MEF2C: variants seen among roughly 807,000 people sequenced by gnomAD.
MEF2C encodes the protein myocyte-specific enhancer factor 2C.
In MEF2C, 6 loss-of-function variants were observed where a neutral mutation model predicts 50.5. The ratio of observed to expected loss-of-function variants is 0.12; its 90% CI spans 0.07 to 0.23. MEF2C has a LOEUF of 0.23. Ranked by LOEUF, MEF2C falls within the 10% of genes least tolerant of loss-of-function variation. The probability of loss-of-function intolerance (pLI) is 1.00; values close to 1 mark genes in which losing one functional copy is unlikely to be tolerated. For synonymous variants in MEF2C, 183 were observed against 228.0 expected, an observed-to-expected ratio of 0.80 and a Z score of 1.78; for missense variants, 276 against 605.0, an observed-to-expected ratio of 0.46 and a Z score of 5.70.
chr5:88,799,748 G>C (rs1337601650), intron 3 of MEF2C, among the ~76,000 whole-genome samples: 1 of 151,966 alleles, frequency 6.6e-6, no homozygotes, highest in African/African-American at 2.4e-5. Flanking sequence ...ACAGAAGTCA[G>C]GATTCAGGTG....
At chr5:88,760,557 T>C (rs1777385344) in intron 4 of MEF2C, among the ~76,000 whole-genome samples, 1 of 152,216 alleles carries the variant, frequency 6.6e-6, no homozygotes. Context: ...TAGGTGATGA[T>C]TGTCAGTTTA....
At chr5:88,729,401 T>C in intron 8 of MEF2C, 54 bp from the exon 9 acceptor site, 8 of 1,454,720 alleles carry the variant, frequency 5.5e-6, no homozygotes, top group Non-Finnish European at 7.5e-6. Flanking sequence ...AAGTTAAAAA[T>C]ATTAGATTTC....
At chr5:88,835,883 A>C (rs904550115) in intron 1 of MEF2C, among the ~76,000 whole-genome samples, 5 of 151,826 alleles carry the variant, frequency 3.3e-5, no homozygotes, top group Non-Finnish European at 7.4e-5. Context: ...ACAGGCTCCC[A>C]CTTTAATTTT....
At chr5:88,837,152 T>C (rs1404013281) in intron 1 of MEF2C, among the ~76,000 whole-genome samples, 1 of 152,154 alleles carries the variant, frequency 6.6e-6, no homozygotes, top group African/African-American at 2.4e-5. Flanking sequence ...CCCTTGGAAA[T>C]GCTAGCTTTA....
At chr5:88,876,888 G>A (rs1831231375) in intron 1 of MEF2C, among the ~76,000 whole-genome samples, 1 of 151,962 alleles carries the variant, frequency 6.6e-6, no homozygotes, top group Non-Finnish European at 1.5e-5. Flanking sequence ...CAACAAGATA[G>A]AAGAGGAAAA....
intron 1 of MEF2C, among the ~76,000 whole-genome samples, chr5:88,897,481 C>T (rs760685934): frequency 6.6e-6 from 1 of 152,210 alleles, no homozygotes; most frequent in East Asian, 1.9e-4. Flanking sequence ...GCTCTACACT[C>T]TCATACGTTC....
chr5:88,766,854 T>A (rs922617467), intron 3 of MEF2C: 1 of 982,284 alleles, frequency 1.0e-6, no homozygotes, highest in Admixed American at 6.1e-5. Flanking sequence ...AGCATCAACT[T>A]AGAAAAGGTA....
At chr5:88,745,112 T>C (rs917262604) in intron 6 of MEF2C, among the ~76,000 whole-genome samples, 1 of 152,242 alleles carries the variant, frequency 6.6e-6, no homozygotes, top group Non-Finnish European at 1.5e-5. Flanking sequence ...CTATTAAAAC[T>C]TCATGGCTAG....
chr5:88,852,620 C>T (rs528689737), intron 1 of MEF2C, among the ~76,000 whole-genome samples: 72 of 152,274 alleles, frequency 4.7e-4, no homozygotes, highest in Admixed American at 7.8e-4. Flanking sequence ...CCTGTAATCC[C>T]AACACTTTGG....
intron 3 of MEF2C, among the ~76,000 whole-genome samples, chr5:88,774,987 G>T (rs1784113560): frequency 6.6e-6 from 1 of 152,202 alleles, no homozygotes; most frequent in Non-Finnish European, 1.5e-5. Flanking sequence ...TTGAGGGCAG[G>T]TCTGTGCCTT....
chr5:88,741,751 G>C (rs533525484), intron 6 of MEF2C: 1 of 984,730 alleles, frequency 1.0e-6, no homozygotes, highest in Admixed American at 6.2e-5. Context: ...GGTGGTGGGT[G>C]GACTCTAAGG....
chr5:88,807,574 T>C (rs770387909), intron 2 of MEF2C, among the ~76,000 whole-genome samples: 4 of 152,206 alleles, frequency 2.6e-5, no homozygotes, highest in Non-Finnish European at 4.4e-5. Context: ...TTTTCACATT[T>C]GTAAAACAGA....
At position 88,882,991 on chromosome 5, in the gene MEF2C, T is replaced by C. The variant is rs1833426259; in HGVS notation, c.-179A>G. 6.6e-6 allele frequency: 1 copy of C among 152,090 alleles called. No individual in the cohort carries two copies. The highest frequency in any genetic ancestry group is 1.5e-5 in the Non-Finnish European group (1 of 67,956). The allele number at this position is 152,090 out of a possible 1,614,324, so 9.4% of individuals were successfully genotyped here. A position where few individuals can be genotyped will look rare whatever the true frequency, so the allele number is the denominator to read the frequency against. On this transcript the variant is annotated 5_prime_UTR_variant, in exon 1 of 11. Transcript: ENST00000504921. ...CCCGATCAGATTAGTCCTTGGGATA[T>C]TTTCCTTTCTTAAGAGAGAGAGAGA...
At chr5:88,804,208 C>T (rs755490504) in intron 3 of MEF2C, among the ~76,000 whole-genome samples, 6 of 151,990 alleles carry the variant, frequency 3.9e-5, no homozygotes, top group South Asian at 2.1e-4. Context: ...TTGATGATGC[C>T]GGGAAACTAT....
At chr5:88,753,992 C>G (rs1443237841) in intron 4 of MEF2C, among the ~76,000 whole-genome samples, 1 of 152,180 alleles carries the variant, frequency 6.6e-6, no homozygotes, top group East Asian at 1.9e-4. Context: ...CCCAAGAAAA[C>G]AAAGTAAAGT....
At chr5:88,730,161 TAA>T in intron 8 of MEF2C, 48 bp downstream of exon 8, 2 of 1,555,966 alleles carry the variant, frequency 1.3e-6, no homozygotes, top group Non-Finnish European at 1.7e-6. Context: ...CACCTCTACC[TAA>T]AAGTAGCTTT....
chr5:88,778,988 T>C (rs965730771), intron 3 of MEF2C, among the ~76,000 whole-genome samples: 2 of 152,252 alleles, frequency 1.3e-5, no homozygotes, highest in African/African-American at 4.8e-5. Flanking sequence ...CTGTTTTCTC[T>C]GGAGGTTTCC....
At chr5:88,873,453 G>C (rs1457056837) in intron 1 of MEF2C, among the ~76,000 whole-genome samples, 1 of 151,962 alleles carries the variant, frequency 6.6e-6, no homozygotes, top group Non-Finnish European at 1.5e-5. Context: ...AGGAAGCTCA[G>C]ACAGGAGAGA....
chr5:88,829,399 A>G (rs2153229147), intron 1 of MEF2C, among the ~76,000 whole-genome samples: 1 of 152,120 alleles, frequency 6.6e-6, no homozygotes, highest in African/African-American at 2.4e-5. Context: ...CAGCACTCGC[A>G]GCAATTGAAA....
Sources: allele counts gnomAD v4.1 joint callset (sites outside exome capture counted in the v4.1 genomes callset), GRCh38; gene constraint gnomAD v4.1.1; transcripts MANE v1.5; gene names NCBI Gene and HGNC (gene_info 2026-07-23, HGNC 2026-07-21).